The following ABCC9 variants were observed in gnomAD, a reference collection of about 807,000 sequenced individuals.
The protein encoded by ABCC9 is ATP binding cassette subfamily C member 9.
A neutral mutation model predicts 188.3 loss-of-function variants in ABCC9; 95 were observed. The ratio of observed to expected loss-of-function variants is 0.50; its 90% CI spans 0.43 to 0.60. ABCC9 has a LOEUF of 0.60. Among genes scored for constraint, ABCC9 ranks in the 20% least tolerant of loss-of-function variants. ABCC9 has a pLI of 0.00. For missense variants in ABCC9, 1,102 were observed against 1,876.3 expected (o/e 0.59, Z 7.62); for synonymous variants, 659 against 652.7 (o/e 1.01, Z -0.15).
At chr12:21,841,676 T>C (rs1373917014) in intron 29 of ABCC9, among the ~76,000 whole-genome samples, 4 of 152,090 alleles carry the variant, frequency 2.6e-5, no homozygotes, top group South Asian at 2.1e-4. Context: ...TTTTTTGTTT[T>C]CTATCAATGT....
intron 25 of ABCC9, among the ~76,000 whole-genome samples, chr12:21,847,674 C>T (rs945061206): frequency 5.4e-5 from 7 of 129,996 alleles, no homozygotes; most frequent in African/African-American, 2.1e-4. Context: ...AAAACTGAAA[C>T]ATAACAAATG....
intron 36 of ABCC9, among the ~76,000 whole-genome samples, chr12:21,811,693 G>T (rs1258244867): frequency 6.6e-6 from 1 of 151,912 alleles, no homozygotes; most frequent in Non-Finnish European, 1.5e-5. Flanking sequence ...ATAGATAAAG[G>T]GATTAACCAA....
intron 21 of ABCC9, 97 bp downstream of exon 21, chr12:21,860,874 G>A (rs939313754): frequency 9.0e-6 from 9 of 1,003,954 alleles, no homozygotes; most frequent in African/African-American, 6.5e-5. Flanking sequence ...CAACTCCTAA[G>A]CTCTCAAATT....
chr12:21,938,382 G>T (rs892839668), intron 2 of ABCC9, among the ~76,000 whole-genome samples: 12 of 151,894 alleles, frequency 7.9e-5, no homozygotes, highest in Middle Eastern at 3.2e-3. Context: ...AGCTATTAAG[G>T]TATTAATCTG....
At chr12:21,801,248 G>A (rs947971665) in intron 39 of ABCC9, 67 bp from the exon 40 acceptor site, 6 of 1,577,486 alleles carry the variant, frequency 3.8e-6, no homozygotes, top group African/African-American at 1.3e-5. Context: ...AATGGAATAT[G>A]TATATTTCAT....
chr12:21,926,128 A>G, intron 4 of ABCC9, 65 bp from the exon 5 acceptor site: 1 of 1,608,458 alleles, frequency 6.2e-7, no homozygotes, highest in Admixed American at 1.7e-5. Context: ...TTTTTTTTCA[A>G]ATTTTTTCAT....
At chr12:21,830,572 T>C (rs986447077) in intron 30 of ABCC9, among the ~76,000 whole-genome samples, 1 of 152,200 alleles carries the variant, frequency 6.6e-6, no homozygotes, top group African/African-American at 2.4e-5. Flanking sequence ...AGAATGAAGA[T>C]ATCCTGGGAG....
chr12:21,885,842 T>A (rs575121289), intron 15 of ABCC9, among the ~76,000 whole-genome samples: 25 of 152,242 alleles, frequency 1.6e-4, no homozygotes, highest in Admixed American at 1.6e-3. Flanking sequence ...TCTAAATATA[T>A]AACCACAAGA....
chr12:21,862,275 T>C (rs1400471082), intron 20 of ABCC9, among the ~76,000 whole-genome samples: 1 of 152,186 alleles, frequency 6.6e-6, no homozygotes, highest in Non-Finnish European at 1.5e-5. Context: ...TTGTAGCCAA[T>C]TGGCTTTTAG....
intron 5 of ABCC9, among the ~76,000 whole-genome samples, chr12:21,918,781 G>C (rs1321002841): frequency 6.6e-6 from 1 of 152,106 alleles, no homozygotes; most frequent in Non-Finnish European, 1.5e-5. Flanking sequence ...CCATGCCACA[G>C]TCTAGTGGCT....
At chr12:21,920,460 T>C (rs1948767345) in intron 5 of ABCC9, among the ~76,000 whole-genome samples, 1 of 152,078 alleles carries the variant, frequency 6.6e-6, no homozygotes, top group African/African-American at 2.4e-5. Flanking sequence ...GGTATATATT[T>C]ATGGGTTACA....
rs1483062806 is a variant in ABCC9, at chr12:21,933,834, C to T, written c.232G>A (p.Ala78Thr). Reference protein sequence around the residue: ...GHNLRWILTFALLFVHVCEIA... With the variant: ...GHNLRWILTFTLLFVHVCEIA... The stretch of plus-strand genomic sequence containing the variant: ...TCACAGACATGCACAAACAGGAGAG[C>T]GAATGTAAGAATCCATCTCAGGTTA... The change falls in exon 4 of 40, where the codon GCT becomes ACT. Residue 78 changes from alanine (A) to threonine (T), a missense_variant. Transcript: ENST00000261200. 12 of 1,613,386 alleles carry T rather than the reference C, an allele frequency of 7.4e-6. No homozygotes were observed. Among genetic ancestry groups the T allele is most frequent in the Non-Finnish European group, 1.0e-5 (12 of 1,179,648 alleles).
intron 31 of ABCC9, chr12:21,827,125 G>C (rs1354113788): frequency 1.0e-6 from 1 of 985,174 alleles, no homozygotes; most frequent in Non-Finnish European, 1.2e-6. Context: ...TTAAAGTATT[G>C]GGTTATGAGA....
At chr12:21,900,708 C>T (rs1230733790) in intron 12 of ABCC9, among the ~76,000 whole-genome samples, 1 of 152,052 alleles carries the variant, frequency 6.6e-6, no homozygotes, top group African/African-American at 2.4e-5. Context: ...GAAAGGATAT[C>T]AGTGATGGAA....
At chr12:21,924,794 C>A (rs1337729151) in intron 5 of ABCC9, 1 of 151,942 alleles carries the variant, frequency 6.6e-6, no homozygotes, top group Admixed American at 6.6e-5. Context: ...GCATTTTCTG[C>A]AATAATGTCT....
intron 35 of ABCC9, 87 bp downstream of exon 35, chr12:21,814,557 T>C (rs1942476514): frequency 8.7e-7 from 1 of 1,152,772 alleles, no homozygotes; most frequent in Non-Finnish European, 1.3e-6. Flanking sequence ...AAATATTTGC[T>C]TTTGATTTCT....
intron 17 of ABCC9, among the ~76,000 whole-genome samples, chr12:21,874,248 T>C (rs74503836): frequency 0.068 from 10,406 of 152,118 alleles, 486 homozygotes; most frequent in Non-Finnish European, 0.11. Flanking sequence ...CAGGTATATA[T>C]AAAATGGCAT....
At position 21,838,082 on chromosome 12, in the gene ABCC9, A is replaced by G; in HGVS notation, c.3562T>C (p.Phe1188Leu). ...TATAAAAATGTGTTTACTCACCTAAAGGCCCGAATGGTGGTGAGTCCTTCT... is the reference window on the plus strand; with the variant it reads ...TATAAAAATGTGTTTACTCACCTAAGGGCCCGAATGGTGGTGAGTCCTTCT... ...TAEGLTTIRA[F>L]RHETRFKQRM... Residue 1188 changes from phenylalanine (F) to leucine (L), a missense_variant, in exon 30 of 40, where the codon TTT (phenylalanine) becomes CTT (leucine). Transcript: ENST00000261200. 1 of 1,613,118 alleles carries G rather than the reference A, an allele frequency of 6.2e-7. No individual in the cohort carries two copies. Among genetic ancestry groups the G allele is most frequent in the Non-Finnish European group, 8.5e-7 (1 of 1,179,102 alleles).
chr12:21,826,413 C>T (rs1943381824), intron 31 of ABCC9, among the ~76,000 whole-genome samples: 1 of 152,156 alleles, frequency 6.6e-6, no homozygotes, highest in African/African-American at 2.4e-5. Flanking sequence ...AATTCTGTCT[C>T]CAGTGATGTG....
Sources: gnomAD v4.1 joint callset for allele counts (sites outside exome capture counted in the v4.1 genomes callset) on GRCh38, gnomAD v4.1.1 for gene constraint, MANE v1.5 for transcripts, NCBI Gene and HGNC (gene_info 2026-07-23, HGNC 2026-07-21) for gene names.